MOK: variants seen among roughly 807,000 people sequenced by gnomAD.
The protein encoded by MOK is MAPK/MAK/MRK overlapping kinase.
MOK carries 59 observed loss-of-function variants against 54.2 expected under a neutral mutation model. That is an observed-to-expected ratio of 1.09 (90% CI 0.88 to 1.35). The LOEUF (loss-of-function observed/expected upper bound fraction) is 1.35, where lower values mean the gene tolerates loss of function less well. Among genes scored for constraint, MOK ranks in the 40% most tolerant of loss-of-function variants. The pLI is 0.00. For missense variants in MOK, 517 were observed against 526.2 expected (o/e 0.98, Z 0.17); for synonymous variants, 210 against 202.7 (o/e 1.04, Z -0.31).
In MOK at chr14:102,245,186, CTTCT is replaced by C. The variant is rs199557900; in HGVS notation, c.590+5622_590+5625del. Reference sequence around the variant, plus strand: ...CAATCATTCTATATGACAAATGCTCCTTCTAAGAACCCCACAATACCACCCATTA... The same window carrying C: ...CAATCATTCTATATGACAAATGCTCCAAGAACCCCACAATACCACCCATTA... On this transcript the variant is annotated intron_variant, in intron 7 of 11. Transcript: ENST00000361847. This position sits in a 1 kb window ranked among gnomAD's most constrained non-coding sequence, Gnocchi z 4.3. 7.3e-3 allele frequency among the ~76,000 whole-genome samples: 1,113 copies of C among 152,146 alleles called. 15 individuals are homozygous for C. Among genetic ancestry groups the C allele is most frequent in the African/African-American group, 0.025 (1,046 of 41,484 alleles).
At position 102,232,479 on chromosome 14, in the gene MOK, T is replaced by G; in HGVS notation, c.866+56A>C. 6.4e-7 allele frequency: 1 copy of G among 1,556,318 alleles called. No individual in the cohort carries two copies. Among genetic ancestry groups the G allele is most frequent in the Non-Finnish European group, 8.8e-7 (1 of 1,142,286 alleles). ...AGTACCTTGCCCCACCATGTGCCCA[T>G]GGGTCTCATTTGCCAGGTCCTGCAT... On this transcript the variant is annotated intron_variant, in intron 9 of 11. Transcript: ENST00000361847. The surrounding 1 kb of genome is among the most constrained non-coding windows in gnomAD (Gnocchi z 5.1).
chr14:102,224,385 C>T (rs1329917622), downstream of MOK: 2 of 354,850 alleles, frequency 5.6e-6, no homozygotes. Flanking sequence ...TCGTGAGCAT[C>T]TGAGTTTAGG....
Position 102,229,486 on chromosome 14 carries a change from G to A in MOK, c.1153C>T (p.Pro385Ser). Residue 385 changes from proline to serine, a missense_variant, in exon 11 of 12, where the codon CCC becomes TCC. Transcript: ENST00000361847. Reference protein sequence around the residue: ...GTNGRVPVLRPLKCIPASKKT... With the variant: ...GTNGRVPVLRSLKCIPASKKT... Reference sequence around the variant, plus strand: ...TTGCTCGCAGGGATGCACTTCAAGGGTCTCAGCACCGGCACTCTTCCATTT... The same window carrying A: ...TTGCTCGCAGGGATGCACTTCAAGGATCTCAGCACCGGCACTCTTCCATTT... 6.2e-7 allele frequency: 1 copy of A among 1,614,184 alleles called. No individual in the cohort carries two copies. The highest frequency in any genetic ancestry group is 2.2e-5 in the East Asian group (1 of 44,866).
At position 102,249,949 on chromosome 14, in the gene MOK, T is replaced by C. The variant is rs572339072; in HGVS notation, c.590+863A>G. Among the ~76,000 whole-genome samples the C allele has an allele frequency of 1.3e-5, 2 of 152,214 alleles. No individual in the cohort carries two copies. Among genetic ancestry groups the C allele is most frequent in the African/African-American group, 4.8e-5 (2 of 41,534 alleles). On this transcript the variant is annotated intron_variant, in intron 7 of 11. Coordinates refer to ENST00000361847, the MANE Select transcript of MOK (RefSeq NM_014226.3). The surrounding 1 kb of genome is among the most constrained non-coding windows in gnomAD (Gnocchi z 5.3). ...GTGCACCGTGGGCCGTCTTGTGCGC[T>C]GGTGAGATACAGGTGGCCTTGTGCT...
chr14:102,305,071 C>T lies in MOK; in HGVS notation c.-103G>A, dbSNP rs2072642445. 3 of 1,365,570 alleles carry T rather than the reference C, an allele frequency of 2.2e-6. No homozygotes were observed. In the South Asian group the frequency reaches 3.7e-5, roughly 17 times the overall value. 84.6% of individuals were successfully genotyped at this position (1,365,570 alleles called of 1,614,324 possible). ...TTTCCACTTCCCTGAGGCGGGGTCCCGCACTAGGATCTCCGTGGTGGTCCC... is the reference window on the plus strand; with the variant it reads ...TTTCCACTTCCCTGAGGCGGGGTCCTGCACTAGGATCTCCGTGGTGGTCCC... On this transcript the variant is annotated 5_prime_UTR_variant, in exon 1 of 12. Coordinates refer to ENST00000361847, the MANE Select transcript of MOK (RefSeq NM_014226.3).
intron 1 of MOK, 56 bp downstream of exon 1, chr14:102,304,902 GTCCC>G: frequency 2.1e-6 from 3 of 1,432,280 alleles, no homozygotes; most frequent in Non-Finnish European, 2.9e-6. Context: ...AGCTCCCCCA[GTCCC>G]TCCCTCCCCC....
At chr14:102,272,598 T>G (rs935918369) in intron 2 of MOK, among the ~76,000 whole-genome samples, 10 of 152,126 alleles carry the variant, frequency 6.6e-5, no homozygotes, top group Admixed American at 3.3e-4. Context: ...CCAGCTATAC[T>G]GGGAATGCAA....
intron 2 of MOK, among the ~76,000 whole-genome samples, chr14:102,270,596 C>T (rs1378436967): frequency 1.3e-5 from 2 of 148,750 alleles, no homozygotes; most frequent in Non-Finnish European, 3.0e-5. Flanking sequence ...AAGACTCCAT[C>T]TCAAAAAAAA....
intron 1 of MOK, among the ~76,000 whole-genome samples, chr14:102,286,038 G>A (rs1411330661): frequency 2.6e-5 from 4 of 151,826 alleles, no homozygotes; most frequent in African/African-American, 4.8e-5. Context: ...GGTGGCTCAC[G>A]CCTGTAATCC....
the MOK span, among the ~76,000 whole-genome samples, chr14:102,217,320 T>G: frequency 6.6e-6 from 1 of 152,160 alleles, no homozygotes; most frequent in Admixed American, 6.5e-5. Context: ...TTCTCTCTGA[T>G]GCTTTTCTTC....
rs2153084684 is a variant in MOK, at chr14:102,232,603, C to T, written c.798G>A (p.Val266=). The change falls in exon 9 of 12, where the codon GTG becomes GTA. Residue 266 remains valine (V), a synonymous_variant. Transcript: ENST00000361847. The surrounding 1 kb of genome is among the most constrained non-coding windows in gnomAD (Gnocchi z 5.1). ...PQCLSLLHAM[V]AYDPDERIAA... ...CGATTCTCTCATCGGGATCATAGGCCACCATTGCGTGCAGGAGGGAGAGGC... is the reference window on the plus strand; with the variant it reads ...CGATTCTCTCATCGGGATCATAGGCTACCATTGCGTGCAGGAGGGAGAGGC... 1 of 1,614,048 alleles carries T rather than the reference C, an allele frequency of 6.2e-7. No homozygotes were observed. Among genetic ancestry groups the T allele is most frequent in the Non-Finnish European group, 8.5e-7 (1 of 1,179,966 alleles).
At chr14:102,263,693 G>T in intron 3 of MOK, 77 bp from the exon 4 acceptor site, 1 of 1,006,660 alleles carries the variant, frequency 9.9e-7, no homozygotes. Flanking sequence ...TAATTCATTT[G>T]TAAACATTTC....
At chr14:102,278,500 T>C (rs182685205) in intron 2 of MOK, 14 of 347,314 alleles carry the variant, frequency 4.0e-5, no homozygotes, top group African/African-American at 3.0e-4. Context: ...TGCTTAGAGG[T>C]GTGACTTGAG....
At chr14:102,262,121 G>A (rs1477635086) in intron 4 of MOK, among the ~76,000 whole-genome samples, 3 of 151,064 alleles carry the variant, frequency 2.0e-5, no homozygotes, top group East Asian at 2.0e-4. Flanking sequence ...GATTACAGGC[G>A]TGAGCCACCG....
At chr14:102,278,612 TCA>T (rs1214579561) in intron 2 of MOK, 17 of 453,556 alleles carry the variant, frequency 3.7e-5, no homozygotes, top group Non-Finnish European at 5.7e-5. Context: ...AGACCTGGGC[TCA>T]GAGTCAGCTC....
intron 4 of MOK, among the ~76,000 whole-genome samples, chr14:102,252,989 G>A (rs562090926): frequency 1.6e-4 from 25 of 152,314 alleles, no homozygotes; most frequent in African/African-American, 3.6e-4. Context: ...TGGAGACACC[G>A]CAAGGGCCTG....
At chr14:102,224,618 TG>T (rs776971251), downstream of MOK, 152 of 456,074 alleles carry the variant, frequency 3.3e-4, no homozygotes, top group Admixed American at 5.6e-4. Context: ...AGGGGAGGTA[TG>T]CTACATTTTC....
chr14:102,214,705 T>G, the MOK span: 1 of 981,760 alleles, frequency 1.0e-6, no homozygotes. Flanking sequence ...ATGTATTTCC[T>G]TTTTTATATT....
intron 1 of MOK, among the ~76,000 whole-genome samples, chr14:102,300,063 C>T (rs935032538): frequency 2.6e-5 from 4 of 152,076 alleles, no homozygotes; most frequent in Non-Finnish European, 4.4e-5. Flanking sequence ...GTGGCTCATG[C>T]ATATAATCCC....
Sources: allele counts gnomAD v4.1 joint callset (sites outside exome capture counted in the v4.1 genomes callset), GRCh38; gene constraint gnomAD v4.1.1; non-coding constraint Gnocchi (gnomAD v3.1); transcripts MANE v1.5; gene names NCBI Gene and HGNC (gene_info 2026-07-23, HGNC 2026-07-21).